CORIN: variants seen among roughly 807,000 people sequenced by gnomAD.
CORIN encodes atrial natriuretic peptide-converting enzyme.
CORIN carries 117 observed loss-of-function variants against 125.3 expected under a neutral mutation model. That is an observed-to-expected ratio of 0.93 (90% confidence interval 0.80 to 1.09). CORIN has a LOEUF of 1.09. CORIN is among the 50% of genes least tolerant of loss of function. The probability of loss-of-function intolerance (pLI) is 0.00; values close to 1 mark genes in which losing one functional copy is unlikely to be tolerated. For missense variants in CORIN, 1,253 were observed against 1,306.7 expected (o/e 0.96, Z 0.63); for synonymous variants, 450 against 466.4 (o/e 0.96, Z 0.45).
At chr4:47,813,358 A>T (rs1365455370) in intron 1 of CORIN, among the ~76,000 whole-genome samples, 1 of 152,196 alleles carries the variant, frequency 6.6e-6, no homozygotes, top group Non-Finnish European at 1.5e-5. Context: ...TTCTCCCAAT[A>T]CCTAATTTAA....
At chr4:47,640,152 GAA>G (rs1307325376) in intron 16 of CORIN, among the ~76,000 whole-genome samples, 1 of 152,078 alleles carries the variant, frequency 6.6e-6, no homozygotes, top group African/African-American at 2.4e-5. Flanking sequence ...CTAAAATACT[GAA>G]GTTTCATTTT....
intron 21 of CORIN, among the ~76,000 whole-genome samples, chr4:47,597,313 C>T (rs1721292409): frequency 6.7e-6 from 1 of 148,276 alleles, no homozygotes; most frequent in Admixed American, 6.8e-5. Context: ...GATCACACCA[C>T]TGCACTCCAG....
rs35769377 is a variant in CORIN, at chr4:47,621,915, T to G, written c.2540+1656A>C. On this transcript the variant is annotated intron_variant, in intron 19 of 21. Coordinates refer to ENST00000273857, the MANE Select transcript of CORIN (RefSeq NM_006587.4). The stretch of plus-strand genomic sequence containing the variant: ...GCACATTGTGCAGGTTAGTTACATA[T>G]GTATACATGTGCCATGCTGGTGCAC... Among the ~76,000 whole-genome samples, 11 of 145,994 alleles carry G rather than the reference T, an allele frequency of 7.5e-5. No individual in the cohort carries two copies. In the South Asian group the frequency reaches 2.4e-3, roughly 32 times the overall value.
intron 21 of CORIN, among the ~76,000 whole-genome samples, chr4:47,599,349 A>G (rs1417881505): frequency 6.6e-6 from 1 of 152,190 alleles, no homozygotes; most frequent in Non-Finnish European, 1.5e-5. Context: ...CCATTCTAAA[A>G]TGGATCATCA....
At chr4:47,809,594 G>T (rs1731968003) in intron 1 of CORIN, among the ~76,000 whole-genome samples, 1 of 151,786 alleles carries the variant, frequency 6.6e-6, no homozygotes, top group South Asian at 2.1e-4. Context: ...TTTTAATAGA[G>T]ACAGAGTTTC....
intron 4 of CORIN, among the ~76,000 whole-genome samples, chr4:47,754,798 G>A (rs1213846004): frequency 9.9e-5 from 15 of 152,174 alleles, no homozygotes; most frequent in Non-Finnish European, 4.4e-5. Context: ...TAAACCAGAA[G>A]TCCTGCAGTT....
rs1467304057 is a variant in CORIN, at chr4:47,594,463, A to ATACTT, written c.*1253_*1257dup. On this transcript the variant is annotated 3_prime_UTR_variant, in exon 22 of 22. Coordinates refer to ENST00000273857, the MANE Select transcript of CORIN (RefSeq NM_006587.4). ...TTTTAAAGTTTTTTAGTGGGGAAAA[A>ATACTT]TACTTTTTACCACTAATTGCTTCAG... 2.0e-5 allele frequency: 3 copies of ATACTT among 152,698 alleles called. No individual in the cohort carries two copies. In the East Asian group the frequency reaches 5.8e-4, roughly 29 times the overall value. The allele number at this position is 152,698 out of a possible 1,614,324, so 9.5% of individuals were successfully genotyped here.
intron 5 of CORIN, among the ~76,000 whole-genome samples, chr4:47,700,280 G>A (rs530988933): frequency 6.6e-6 from 1 of 152,228 alleles, no homozygotes; most frequent in African/African-American, 2.4e-5. Context: ...GGGGTAGAGG[G>A]GGACTCAGGA....
At chr4:47,783,247 TA>T (rs1434075539) in intron 3 of CORIN, among the ~76,000 whole-genome samples, 1 of 152,034 alleles carries the variant, frequency 6.6e-6, no homozygotes, top group Non-Finnish European at 1.5e-5. Context: ...GAATACAACC[TA>T]AAAAAAGTCC....
chr4:47,619,396 G>A (rs751212734), intron 19 of CORIN, among the ~76,000 whole-genome samples: 1 of 152,186 alleles, frequency 6.6e-6, no homozygotes, highest in Non-Finnish European at 1.5e-5. Flanking sequence ...ATTAATTGCT[G>A]TAATTGATAG....
chr4:47,637,597 A>G (rs1370473724), intron 16 of CORIN, among the ~76,000 whole-genome samples: 1 of 152,232 alleles, frequency 6.6e-6, no homozygotes, highest in Non-Finnish European at 1.5e-5. Context: ...GTTGCTTCAG[A>G]GGGTGGAAGC....
intron 7 of CORIN, 111 bp downstream of exon 7, chr4:47,683,620 C>T: frequency 1.4e-6 from 1 of 725,898 alleles, no homozygotes; most frequent in Non-Finnish European, 2.2e-6. Flanking sequence ...AGAAACCAAT[C>T]ATTTTGTAAT....
chr4:47,653,240 G>A (rs918770727), intron 13 of CORIN, among the ~76,000 whole-genome samples: 1 of 152,164 alleles, frequency 6.6e-6, no homozygotes, highest in African/African-American at 2.4e-5. Flanking sequence ...AAAAAGCATA[G>A]TACTGCATAT....
At chr4:47,705,685 G>A (rs1020287527) in intron 5 of CORIN, among the ~76,000 whole-genome samples, 3 of 152,094 alleles carry the variant, frequency 2.0e-5, no homozygotes, top group African/African-American at 7.2e-5. Flanking sequence ...TGAAAAATAC[G>A]TAGCCTGACC....
chr4:47,719,410 G>A (rs748710108), intron 5 of CORIN, among the ~76,000 whole-genome samples: 3 of 152,142 alleles, frequency 2.0e-5, no homozygotes, highest in Non-Finnish European at 4.4e-5. Context: ...CATAGTTACC[G>A]CTCCATAACC....
In CORIN at chr4:47,765,424, T is replaced by C. The variant is rs1432825318; in HGVS notation, c.410-1838A>G. ...ACTATATGTTGTACTGGGATTTATT[T>C]AAGCAATCTCCCTTTAATAAATATT... On this transcript the variant is annotated intron_variant, in intron 3 of 21. Coordinates refer to ENST00000273857, the MANE Select transcript of CORIN (RefSeq NM_006587.4). Among the ~76,000 whole-genome samples, 5 of 152,214 alleles carry C rather than the reference T, an allele frequency of 3.3e-5. No homozygotes were observed. The East Asian group carries it at 9.6e-4, about 29-fold the overall frequency.
intron 19 of CORIN, among the ~76,000 whole-genome samples, chr4:47,606,670 TTC>T (rs1721657274): frequency 6.8e-6 from 1 of 147,200 alleles, no homozygotes; most frequent in African/African-American, 2.5e-5. Flanking sequence ...CTTCCTTCCT[TTC>T]TTTTTCTTTC....
At position 47,689,775 on chromosome 4, in the gene CORIN, C is replaced by G. The variant is rs748428333; in HGVS notation, c.913+3195G>C. 2.6e-5 allele frequency among the ~76,000 whole-genome samples: 4 copies of G among 152,054 alleles called. No homozygotes were observed. The South Asian group carries it at 8.3e-4, about 32-fold the overall frequency. ...CTAGCCCGGTGCTTCCAAGTCTGGC[C>G]GTCCATTAGAATTACCTGGAGAGCG... On this transcript the variant is annotated intron_variant, in intron 6 of 21. Transcript: ENST00000273857.
chr4:47,831,381 C>G (rs1232868457), intron 1 of CORIN: 1 of 152,314 alleles, frequency 6.6e-6, no homozygotes, highest in Non-Finnish European at 1.5e-5. Context: ...AAGAAAGAGG[C>G]AAACAGACTA....
Sources: gnomAD v4.1 joint callset for allele counts (sites outside exome capture counted in the v4.1 genomes callset) on GRCh38, gnomAD v4.1.1 for gene constraint, MANE v1.5 for transcripts, NCBI Gene and HGNC (gene_info 2026-07-23, HGNC 2026-07-21) for gene names.